Variants in RBKS observed in about 807,000 individuals in gnomAD.
RBKS encodes ribokinase.
In RBKS, 33 loss-of-function variants were observed where a neutral mutation model predicts 33.9. The observed-to-expected ratio is 0.97, with a 90% confidence interval of 0.74 to 1.30. The LOEUF (loss-of-function observed/expected upper bound fraction) is 1.30, where lower values mean the gene tolerates loss of function less well. Among genes scored for constraint, RBKS ranks in the 50% most tolerant of loss-of-function variants. RBKS has a pLI of 0.00. For synonymous variants in RBKS, 125 were observed against 143.0 expected (o/e 0.87, Z 0.90); for missense variants, 361 against 392.6 (o/e 0.92, Z 0.68).
intron 7 of RBKS, among the ~76,000 whole-genome samples, chr2:27,788,198 A>G (rs1677438869): frequency 6.6e-6 from 1 of 152,200 alleles, no homozygotes; most frequent in South Asian, 2.1e-4. Context: ...TGTTCTCACT[A>G]CTTCTACTCA....
At chr2:27,874,701 T>C (rs903644624) in intron 1 of RBKS, among the ~76,000 whole-genome samples, 1 of 152,224 alleles carries the variant, frequency 6.6e-6, no homozygotes, top group African/African-American at 2.4e-5. Context: ...ACTTCATAGT[T>C]CCTGCTTTTA....
intron 7 of RBKS, among the ~76,000 whole-genome samples, chr2:27,789,599 CTG>C (rs1472142597): frequency 2.0e-5 from 3 of 151,832 alleles, no homozygotes; most frequent in African/African-American, 7.3e-5. Context: ...GAGTCTCACT[CTG>C]TAGCCCAGTT....
chr2:27,833,211 G>T (rs897047831), intron 5 of RBKS, among the ~76,000 whole-genome samples: 1 of 152,144 alleles, frequency 6.6e-6, no homozygotes. Flanking sequence ...AAAAAGAGAC[G>T]ATAGAAAATA....
chr2:27,864,755 T>A (rs907371036), intron 1 of RBKS, among the ~76,000 whole-genome samples: 8 of 152,180 alleles, frequency 5.3e-5, no homozygotes, highest in Non-Finnish European at 7.3e-5. Context: ...CAAGGTTACA[T>A]GATAAGAATA....
rs1308232858 is a variant in RBKS at position 27,801,963 on chromosome 2, A to AAATAT, written c.796-20176_796-20175insATATT. ...CGAGTAGCTGGGGAAAAAAAAAAAA[A>AAATAT]ATATATATATATATATATATATATA... On this transcript the variant is annotated intron_variant, in intron 7 of 7. Coordinates refer to ENST00000302188, the MANE Select transcript of RBKS (RefSeq NM_022128.3). Among the ~76,000 whole-genome samples the AAATAT allele has an allele frequency of 1.8e-3, 86 of 47,602 alleles. 1 individual carries two copies. The highest frequency in any genetic ancestry group is 3.9e-3 in the South Asian group (4 of 1,026). The allele number at this position is 47,602 out of a possible 152,430, so 31.2% of individuals were successfully genotyped here. A position where few individuals can be genotyped will look rare whatever the true frequency, so the allele number is the denominator to read the frequency against.
chr2:27,875,626 G>A (rs1664297675), intron 1 of RBKS, among the ~76,000 whole-genome samples: 1 of 152,168 alleles, frequency 6.6e-6, no homozygotes, highest in South Asian at 2.1e-4. Flanking sequence ...ATTTACCTAA[G>A]GAAACAGACA....
At chr2:27,830,054 G>A (rs961097468) in intron 6 of RBKS, among the ~76,000 whole-genome samples, 1 of 152,184 alleles carries the variant, frequency 6.6e-6, no homozygotes, top group African/African-American at 2.4e-5. Flanking sequence ...TCTGGGGCTA[G>A]TGTACAGCCA....
intron 1 of RBKS, among the ~76,000 whole-genome samples, chr2:27,858,801 A>C (rs1230300097): frequency 6.6e-6 from 1 of 152,216 alleles, no homozygotes; most frequent in African/African-American, 2.4e-5. Flanking sequence ...CCTAGAGACC[A>C]CTACTGTGGC....
chr2:27,789,222 G>A (rs1027272057), intron 7 of RBKS, among the ~76,000 whole-genome samples: 18 of 152,042 alleles, frequency 1.2e-4, no homozygotes, highest in African/African-American at 4.1e-4. Context: ...TCCCTTATCT[G>A]AAATACATGG....
chr2:27,888,743 T>C (rs1664611409), intron 1 of RBKS, among the ~76,000 whole-genome samples: 1 of 151,954 alleles, frequency 6.6e-6, no homozygotes, highest in Non-Finnish European at 1.5e-5. Flanking sequence ...GATGTTCTTG[T>C]AAGGCTTGGG....
chr2:27,890,267 C>T lies in RBKS; in HGVS notation c.79G>A (p.Asp27Asn), dbSNP rs1365133936. The change falls in exon 1 of 8, where the codon GAC becomes AAC. Residue 27 changes from aspartate (D) to asparagine (N), a missense_variant. Asp to Asn is a conservative substitution (Grantham distance 23). Coordinates refer to ENST00000302188, the MANE Select transcript of RBKS (RefSeq NM_022128.3). This position sits in a 1 kb window ranked among gnomAD's most constrained non-coding sequence, Gnocchi z 4.8. ...TGGCCCCGGACTAACCTGACCAGGT[C>T]GGTCATGCAGGAGCCCACCACTACC... ...AVVVVGSCMT[D>N]LVSLTSRLPK... The T allele has an allele frequency of 1.9e-6, 3 of 1,613,564 alleles. No individual in the cohort carries two copies. The highest frequency in any genetic ancestry group is 1.7e-5 in the Admixed American group (1 of 59,998).
rs139085880 is a variant in RBKS, at chr2:27,802,673, T to A, written c.796-20885A>T. The stretch of plus-strand genomic sequence containing the variant: ...CAGCAACTCTAAGTTCAATGCACGC[T>A]AATACCTCCCTGCTTTCCTCACTGA... On this transcript the variant is annotated intron_variant, in intron 7 of 7. Transcript: ENST00000302188. 7.1e-3 allele frequency among the ~76,000 whole-genome samples: 1,082 copies of A among 152,298 alleles called. 14 individuals carry two copies. Among genetic ancestry groups the A allele is most frequent in the African/African-American group, 0.023 (960 of 41,558 alleles).
chr2:27,862,048 G>A (rs10210019), intron 1 of RBKS, among the ~76,000 whole-genome samples: 1 of 149,722 alleles, frequency 6.7e-6, no homozygotes, highest in Non-Finnish European at 1.5e-5. Context: ...CCTGGGCTCA[G>A]ATGATCCTCC....
intron 2 of RBKS, among the ~76,000 whole-genome samples, chr2:27,849,248 T>C (rs547019489): frequency 6.6e-6 from 1 of 151,884 alleles, no homozygotes. Flanking sequence ...GGGTGTCTAT[T>C]GTCTGTTATT....
At position 27,888,356 on chromosome 2, in the gene RBKS, C is replaced by T. The variant is rs568432632; in HGVS notation, c.89+1901G>A. 2.6e-5 allele frequency among the ~76,000 whole-genome samples: 4 copies of T among 152,146 alleles called. No homozygotes were observed. The South Asian group carries it at 8.3e-4, about 32-fold the overall frequency. On this transcript the variant is annotated intron_variant, in intron 1 of 7. Transcript: ENST00000302188. ...TTCGCTGGGCTGGTCTGAAACTCCT[C>T]ACTCAGGTGATCTGCCCACCTTGGC...
intron 7 of RBKS, among the ~76,000 whole-genome samples, chr2:27,800,972 G>A (rs1159178045): frequency 3.9e-5 from 6 of 152,218 alleles, no homozygotes; most frequent in Admixed American, 3.9e-4. Flanking sequence ...GCCTAGAGCT[G>A]GGGCGGGTAA....
At position 27,850,624 on chromosome 2, in the gene RBKS, G is replaced by T. The variant is rs114842521; in HGVS notation, c.223-2527C>A. Among the ~76,000 whole-genome samples, 1,511 of 152,246 alleles carry T rather than the reference G, an allele frequency of 9.9e-3. 25 individuals carry two copies. Among genetic ancestry groups the T allele is most frequent in the African/African-American group, 0.035 (1,439 of 41,552 alleles). On this transcript the variant is annotated intron_variant, in intron 2 of 7. Coordinates refer to ENST00000302188, the MANE Select transcript of RBKS (RefSeq NM_022128.3). The stretch of plus-strand genomic sequence containing the variant: ...TTTTACTTAGTAATATGCAACTAAA[G>T]TTCCTCTGTGTCTTTTTATGCCTTG...
At chr2:27,844,225 A>G (rs983751919) in intron 4 of RBKS, among the ~76,000 whole-genome samples, 19 of 144,748 alleles carry the variant, frequency 1.3e-4, no homozygotes, top group African/African-American at 4.6e-4. Flanking sequence ...GTGTCATTGC[A>G]TTCCAGCCTG....
At chr2:27,784,682 G>A (rs942194808) in intron 7 of RBKS, among the ~76,000 whole-genome samples, 4 of 152,168 alleles carry the variant, frequency 2.6e-5, no homozygotes, top group African/African-American at 7.2e-5. Context: ...CATGAGTGGC[G>A]TTAAGGAGAA....
Sources: allele counts gnomAD v4.1 joint callset (sites outside exome capture counted in the v4.1 genomes callset), GRCh38; gene constraint gnomAD v4.1.1; non-coding constraint Gnocchi (gnomAD v3.1); transcripts MANE v1.5; gene names NCBI Gene and HGNC (gene_info 2026-07-23, HGNC 2026-07-21).